COL25A1: variants seen among roughly 807,000 people sequenced by gnomAD.
COL25A1 encodes the protein collagen alpha-1(XXV) chain.
COL25A1 carries 103 observed loss-of-function variants against 128.4 expected under a neutral mutation model. The observed-to-expected ratio is 0.80, with a 90% CI of 0.68 to 0.94. The LOEUF (loss-of-function observed/expected upper bound fraction) is 0.94, where lower values mean the gene tolerates loss of function less well. Among genes scored for constraint, COL25A1 ranks in the 40% least tolerant of loss-of-function variants. The probability of loss-of-function intolerance (pLI) is 0.00; values close to 1 mark genes in which losing one functional copy is unlikely to be tolerated. For missense variants in COL25A1, 745 were observed against 840.0 expected, an observed-to-expected ratio of 0.89 and a Z score of 1.40; for synonymous variants, 279 against 277.2, an observed-to-expected ratio of 1.01 and a Z score of -0.06.
At chr4:108,901,342 G>C (rs1367796459) in intron 13 of COL25A1, among the ~76,000 whole-genome samples, 170 bp from the exon 14 acceptor site, 1 of 152,064 alleles carries the variant, frequency 6.6e-6, no homozygotes, top group Admixed American at 6.6e-5. Flanking sequence ...GCATGTAATG[G>C]AGCAAGGATA....
chr4:108,981,501 G>T (rs1365228850), intron 6 of COL25A1, among the ~76,000 whole-genome samples: 1 of 152,154 alleles, frequency 6.6e-6, no homozygotes. Flanking sequence ...TGTGTGTGTG[G>T]ATACTTGTGT....
chr4:109,211,892 G>A (rs1777590945), intron 3 of COL25A1, among the ~76,000 whole-genome samples: 1 of 152,120 alleles, frequency 6.6e-6, no homozygotes, highest in Non-Finnish European at 1.5e-5. Context: ...TCGACCTGAA[G>A]AATGCTATAG....
intron 5 of COL25A1, among the ~76,000 whole-genome samples, chr4:109,032,697 A>G (rs1483454968): frequency 6.6e-6 from 1 of 152,232 alleles, no homozygotes; most frequent in Non-Finnish European, 1.5e-5. Context: ...TATAGCATAG[A>G]TGTTCTCCAT....
intron 3 of COL25A1, among the ~76,000 whole-genome samples, chr4:109,171,975 GAGA>G (rs2126132434): frequency 6.6e-6 from 1 of 152,204 alleles, no homozygotes; most frequent in Non-Finnish European, 1.5e-5. Context: ...AAGGCCTAAT[GAGA>G]AAATTTAATT....
Position 108,920,623 on chromosome 4 carries a change from T to A in COL25A1, c.709-19A>T, listed in dbSNP as rs1745390588. 1.9e-6 allele frequency: 3 copies of A among 1,593,530 alleles called. No homozygotes were observed. Among genetic ancestry groups the A allele is most frequent in the Non-Finnish European group, 2.6e-6 (3 of 1,164,874 alleles). ...GAGGACCCTAAAAAAGAAAAACGAT[T>A]CAATTAACATACTATTGTAGCCATT... On this transcript the variant is annotated intron_variant, in intron 11 of 37. Coordinates refer to ENST00000399132, the MANE Select transcript of COL25A1 (RefSeq NM_198721.4).
In COL25A1 at chr4:108,909,960, C is replaced by A. The variant is rs1578736221; in HGVS notation, c.780+8212G>T. On this transcript the variant is annotated intron_variant, in intron 13 of 37. Coordinates refer to ENST00000399132, the MANE Select transcript of COL25A1 (RefSeq NM_198721.4). ...TCGTCAACAGTGCTGCACGGCCACCCAGGGGCTTAGCGGTGCACGTGCCAG... is the reference window on the plus strand; with the variant it reads ...TCGTCAACAGTGCTGCACGGCCACCAAGGGGCTTAGCGGTGCACGTGCCAG... 2.0e-5 allele frequency among the ~76,000 whole-genome samples: 3 copies of A among 152,184 alleles called. No individual in the cohort carries two copies. The South Asian group carries it at 6.2e-4, about 32-fold the overall frequency.
intron 10 of COL25A1, among the ~76,000 whole-genome samples, chr4:108,940,039 A>G (rs909966586): frequency 1.3e-5 from 2 of 152,210 alleles, no homozygotes; most frequent in Non-Finnish European, 2.9e-5. Context: ...TTTATAAGGG[A>G]TTAAATATTA....
At chr4:109,149,494 T>C (rs1000122195) in intron 3 of COL25A1, among the ~76,000 whole-genome samples, 1 of 152,124 alleles carries the variant, frequency 6.6e-6, no homozygotes, top group Admixed American at 6.6e-5. Context: ...TGTACTGAGG[T>C]GATTTTAAAT....
At chr4:109,170,123 T>C (rs1266159770) in intron 3 of COL25A1, among the ~76,000 whole-genome samples, 1 of 152,142 alleles carries the variant, frequency 6.6e-6, no homozygotes, top group East Asian at 1.9e-4. Flanking sequence ...ATAAATTTTA[T>C]TGAATCAATT....
intron 3 of COL25A1, among the ~76,000 whole-genome samples, chr4:109,212,755 C>A (rs921657022): frequency 6.6e-6 from 1 of 152,060 alleles, no homozygotes; most frequent in Non-Finnish European, 1.5e-5. Context: ...AATTTTTTAT[C>A]TTTTGCTTTT....
intron 24 of COL25A1, among the ~76,000 whole-genome samples, chr4:108,853,581 T>C (rs1005499106): frequency 2.0e-5 from 3 of 152,118 alleles, no homozygotes; most frequent in South Asian, 2.1e-4. Flanking sequence ...ATTTGTTACA[T>C]AGGTATACAT....
intron 6 of COL25A1, among the ~76,000 whole-genome samples, chr4:108,983,696 A>G (rs1234633650): frequency 6.6e-6 from 1 of 151,900 alleles, no homozygotes; most frequent in Non-Finnish European, 1.5e-5. Context: ...TCGCTGGCTC[A>G]GGAGTGAAGC....
chr4:109,250,961 A>C (rs1026651240), intron 3 of COL25A1, among the ~76,000 whole-genome samples: 1 of 152,178 alleles, frequency 6.6e-6, no homozygotes, highest in African/African-American at 2.4e-5. Flanking sequence ...ACAACCAAAA[A>C]CACATTAATC....
At chr4:108,941,001 C>T (rs1321043142) in intron 9 of COL25A1, among the ~76,000 whole-genome samples, 2 of 152,302 alleles carry the variant, frequency 1.3e-5, no homozygotes, top group Admixed American at 1.3e-4. Flanking sequence ...AATAAAATGG[C>T]TGCATTTATA....
chr4:109,154,123 G>A (rs753916786), intron 3 of COL25A1, among the ~76,000 whole-genome samples: 4 of 152,038 alleles, frequency 2.6e-5, no homozygotes, highest in Non-Finnish European at 5.9e-5. Flanking sequence ...TCAAATCTAG[G>A]CTAAACATCC....
intron 26 of COL25A1, among the ~76,000 whole-genome samples, chr4:108,850,754 C>T (rs549677929): frequency 5.3e-5 from 8 of 152,148 alleles, no homozygotes; most frequent in South Asian, 2.1e-4. Context: ...TTAGTCCTTA[C>T]CATAGAGTAG....
At chr4:109,080,317 T>C (rs2125993239) in intron 3 of COL25A1, among the ~76,000 whole-genome samples, 1 of 152,296 alleles carries the variant, frequency 6.6e-6, no homozygotes, top group East Asian at 1.9e-4. Context: ...ACCGTTATAC[T>C]AAACTGTTTC....
At chr4:109,269,771 G>C (rs192742777) in intron 3 of COL25A1, among the ~76,000 whole-genome samples, 2 of 151,924 alleles carry the variant, frequency 1.3e-5, no homozygotes, top group Non-Finnish European at 2.9e-5. Flanking sequence ...AACCAAAAAA[G>C]AGAATTTTAG....
chr4:109,217,938 G>C (rs181797439), intron 3 of COL25A1, among the ~76,000 whole-genome samples: 1 of 152,132 alleles, frequency 6.6e-6, no homozygotes, highest in Non-Finnish European at 1.5e-5. Flanking sequence ...CCACAGAAAT[G>C]GAGGCTGACT....
Sources: gnomAD v4.1 joint callset for allele counts (sites outside exome capture counted in the v4.1 genomes callset) on GRCh38, gnomAD v4.1.1 for gene constraint, MANE v1.5 for transcripts, NCBI Gene and HGNC (gene_info 2026-07-23, HGNC 2026-07-21) for gene names.